SLC30A7: variants seen among roughly 807,000 people sequenced by gnomAD.
SLC30A7 encodes the protein zinc transporter 7.
A neutral mutation model predicts 46.0 loss-of-function variants in SLC30A7; 35 were observed. The ratio of observed to expected loss-of-function variants is 0.76; its 90% confidence interval spans 0.58 to 1.01. The LOEUF (loss-of-function observed/expected upper bound fraction) is 1.01. Among genes scored for constraint, SLC30A7 ranks in the 50% least tolerant of loss-of-function variants. The probability of loss-of-function intolerance (pLI) is 0.00; values close to 1 mark genes in which losing one functional copy is unlikely to be tolerated. For missense variants in SLC30A7, 464 were observed against 451.1 expected (o/e 1.03, Z -0.26); for synonymous variants, 147 against 157.8 (o/e 0.93, Z 0.51).
Position 100,980,758 on chromosome 1 carries a change from G to A in SLC30A7, c.*5901G>A, listed in dbSNP as rs529328085. 4 of 151,770 alleles carry A rather than the reference G, an allele frequency of 2.6e-5. No individual in the cohort carries two copies. The highest frequency in any genetic ancestry group is 2.1e-4 in the South Asian group (1 of 4,800). The allele number at this position is 151,770 out of a possible 1,614,324, so 9.4% of individuals were successfully genotyped here. A position where few individuals can be genotyped will look rare whatever the true frequency, so the allele number is the denominator to read the frequency against. On this transcript the variant is annotated 3_prime_UTR_variant, in exon 11 of 11. Coordinates refer to ENST00000357650, the MANE Select transcript of SLC30A7 (RefSeq NM_133496.5). ...TATCCATTTTACAAATTGTTGGATC[G>A]GAATTTGACAGAATTGGGACTGTGG...
chr1:100,926,166 G>C (rs768643486), intron 8 of SLC30A7, among the ~76,000 whole-genome samples: 8 of 152,064 alleles, frequency 5.3e-5, no homozygotes, highest in Non-Finnish European at 1.0e-4. Context: ...ATAGTTTCAG[G>C]TCATATGATT....
chr1:100,987,607 C>T, the SLC30A7 span, among the ~76,000 whole-genome samples: 1 of 151,008 alleles, frequency 6.6e-6, no homozygotes. Context: ...TTTAAAAATC[C>T]TTGTCTGCCA....
intron 6 of SLC30A7, among the ~76,000 whole-genome samples, chr1:100,916,221 C>G (rs1052768592): frequency 6.6e-6 from 1 of 151,926 alleles, no homozygotes; most frequent in African/African-American, 2.4e-5. Context: ...GAGTCTCGCT[C>G]TGTCACCCAG....
chr1:100,990,392 T>C, the SLC30A7 span: 2 of 1,607,738 alleles, frequency 1.2e-6, no homozygotes, highest in Non-Finnish European at 1.7e-6. Flanking sequence ...CATCAGACAA[T>C]GGTAAATATC....
At chr1:100,950,359 G>A (rs985758958) in intron 8 of SLC30A7, among the ~76,000 whole-genome samples, 5 of 152,108 alleles carry the variant, frequency 3.3e-5, no homozygotes, top group Non-Finnish European at 7.4e-5. Flanking sequence ...TTAAAATTTT[G>A]TATTTTAGGT....
chr1:100,992,630 T>C, the SLC30A7 span: 1 of 1,610,844 alleles, frequency 6.2e-7, no homozygotes, highest in East Asian at 2.2e-5. Flanking sequence ...TCTAGTGTCT[T>C]GAGTACCTGG....
intron 7 of SLC30A7, among the ~76,000 whole-genome samples, chr1:100,920,837 T>G (rs920325511): frequency 2.6e-4 from 40 of 152,152 alleles, no homozygotes; most frequent in African/African-American, 9.4e-4. Flanking sequence ...GATGATGGTA[T>G]TGAATAATGT....
intron 10 of SLC30A7, among the ~76,000 whole-genome samples, chr1:100,973,378 A>G (rs1656267101): frequency 6.6e-6 from 1 of 152,168 alleles, no homozygotes; most frequent in Admixed American, 6.5e-5. Flanking sequence ...ATTGTGACTA[A>G]TGGGTTCCTT....
downstream of SLC30A7, among the ~76,000 whole-genome samples, chr1:100,986,095 T>C (rs1469592955): frequency 6.6e-6 from 1 of 151,988 alleles, no homozygotes; most frequent in South Asian, 2.1e-4. Flanking sequence ...TATTGGGAAA[T>C]ACAAATTAAA....
intron 9 of SLC30A7, among the ~76,000 whole-genome samples, chr1:100,962,547 G>A (rs1299960100): frequency 6.6e-6 from 1 of 152,120 alleles, no homozygotes; most frequent in Non-Finnish European, 1.5e-5. Context: ...TGTGTTTGAA[G>A]AACAGAATAA....
the SLC30A7 span, chr1:100,995,134 TC>T: frequency 7.0e-6 from 11 of 1,578,836 alleles, no homozygotes; most frequent in Non-Finnish European, 9.6e-6. Context: ...CAAAGACTGC[TC>T]CTTTACTTTG....
Position 100,978,146 on chromosome 1 carries a change from T to C in SLC30A7, c.*3289T>C, listed in dbSNP as rs1272010855. 1 of 152,244 alleles carries C rather than the reference T, an allele frequency of 6.6e-6. No homozygotes were observed. The highest frequency in any genetic ancestry group is 2.4e-5 in the African/African-American group (1 of 41,468). The allele number at this position is 152,244 out of a possible 1,614,324, so 9.4% of individuals were successfully genotyped here. Reference sequence around the variant, plus strand: ...CCTCAGTTTGCTAACTCCCCATGCATCTTTGTGAAGGACAGTATCTAGTTT... The same window carrying C: ...CCTCAGTTTGCTAACTCCCCATGCACCTTTGTGAAGGACAGTATCTAGTTT... On this transcript the variant is annotated 3_prime_UTR_variant, in exon 11 of 11. Coordinates refer to ENST00000357650, the MANE Select transcript of SLC30A7 (RefSeq NM_133496.5).
chr1:100,907,805 C>T (rs972064523), intron 3 of SLC30A7, among the ~76,000 whole-genome samples: 3 of 151,948 alleles, frequency 2.0e-5, no homozygotes, highest in African/African-American at 7.2e-5. Flanking sequence ...TTCCCTTCCT[C>T]AGCCTCTTAC....
intron 6 of SLC30A7, among the ~76,000 whole-genome samples, chr1:100,916,280 G>A (rs1437652256): frequency 1.3e-5 from 2 of 151,892 alleles, no homozygotes; most frequent in African/African-American, 4.8e-5. Flanking sequence ...TCTGCCTCCC[G>A]GGTTCAAGTG....
At chr1:100,950,955 C>CACTATAGGCAACAGGAGCTTAAGTTGCT in intron 8 of SLC30A7, among the ~76,000 whole-genome samples, 2 of 152,156 alleles carry the variant, frequency 1.3e-5, no homozygotes, top group South Asian at 4.1e-4. Context: ...ATTAAGTTAC[C>CACTATAGGCAACAGGAGCTTAAGTTGCT]ACTATAGGCA....
intron 2 of SLC30A7, among the ~76,000 whole-genome samples, chr1:100,901,785 A>C (rs1288857459): frequency 1.3e-5 from 2 of 152,224 alleles, no homozygotes; most frequent in Non-Finnish European, 2.9e-5. Context: ...AGTCATTTAA[A>C]AGAGTTTACA....
chr1:100,900,580 C>G (rs956464944), intron 2 of SLC30A7, among the ~76,000 whole-genome samples: 1 of 152,100 alleles, frequency 6.6e-6, no homozygotes, highest in African/African-American at 2.4e-5. Context: ...TATTTCCCAC[C>G]TTAAAAACAT....
At chr1:100,912,693 T>C (rs1414645458) in intron 5 of SLC30A7, among the ~76,000 whole-genome samples, 2 of 150,962 alleles carry the variant, frequency 1.3e-5, no homozygotes, top group Non-Finnish European at 3.0e-5. Flanking sequence ...GTATGCTGGG[T>C]GACAGAGTGA....
intron 8 of SLC30A7, among the ~76,000 whole-genome samples, chr1:100,924,667 C>CAA (rs574224940): frequency 1.3e-5 from 1 of 79,380 alleles, no homozygotes; most frequent in Non-Finnish European, 2.6e-5. Context: ...TCTCCCTGGC[C>CAA]AAAAAAAAAA....
Sources: allele counts gnomAD v4.1 joint callset (sites outside exome capture counted in the v4.1 genomes callset), GRCh38; gene constraint gnomAD v4.1.1; transcripts MANE v1.5; gene names NCBI Gene and HGNC (gene_info 2026-07-23, HGNC 2026-07-21).